The following PTPRR variants were observed in gnomAD, a reference collection of about 807,000 sequenced individuals.
PTPRR encodes the protein receptor-type tyrosine-protein phosphatase R.
Under a neutral mutation model 77.2 loss-of-function variants are expected in PTPRR, and 38 were observed. The observed-to-expected ratio is 0.49, with a 90% CI of 0.38 to 0.65. The LOEUF (loss-of-function observed/expected upper bound fraction) is 0.65, where lower values mean the gene tolerates loss of function less well. Among genes scored for constraint, PTPRR ranks in the 30% least tolerant of loss-of-function variants. The probability of loss-of-function intolerance (pLI) is 0.00; values close to 1 mark genes in which losing one functional copy is unlikely to be tolerated. For synonymous variants in PTPRR, 299 were observed against 283.1 expected, an observed-to-expected ratio of 1.06 and a Z score of -0.57; for missense variants, 744 against 799.2, an observed-to-expected ratio of 0.93 and a Z score of 0.83.
At chr12:70,684,086 C>T (rs1390398229) in intron 10 of PTPRR, 41 bp downstream of exon 10, 1 of 1,596,648 alleles carries the variant, frequency 6.3e-7, no homozygotes, top group East Asian at 2.2e-5. Context: ...TCTATAGCAA[C>T]AGAACACATA....
At chr12:70,668,584 A>G (rs1887099451) in intron 10 of PTPRR, among the ~76,000 whole-genome samples, 1 of 152,198 alleles carries the variant, frequency 6.6e-6, no homozygotes, top group Non-Finnish European at 1.5e-5. Flanking sequence ...AGAATTTAAC[A>G]TGGCACACTT....
At chr12:70,842,201 T>C (rs1380973517) in intron 2 of PTPRR, among the ~76,000 whole-genome samples, 5 of 152,198 alleles carry the variant, frequency 3.3e-5, no homozygotes, top group African/African-American at 1.2e-4. Flanking sequence ...TAATTCTCTG[T>C]AAGCAACACA....
At chr12:70,840,553 T>G (rs1293376649) in intron 2 of PTPRR, among the ~76,000 whole-genome samples, 1 of 152,182 alleles carries the variant, frequency 6.6e-6, no homozygotes, top group Admixed American at 6.6e-5. Context: ...AGTAGATTAA[T>G]TTTGGGGTTT....
At chr12:70,768,736 T>G (rs571521023) in intron 2 of PTPRR, among the ~76,000 whole-genome samples, 1 of 152,270 alleles carries the variant, frequency 6.6e-6, no homozygotes, top group East Asian at 1.9e-4. Context: ...ATATCCTTGA[T>G]GAACATTGAT....
chr12:70,868,425 C>T (rs1400342874), intron 2 of PTPRR, among the ~76,000 whole-genome samples: 1 of 151,734 alleles, frequency 6.6e-6, no homozygotes, highest in East Asian at 1.9e-4. Context: ...AGCGAAAAGA[C>T]ACATGAAAAA....
At chr12:70,779,241 T>G (rs1023371392) in intron 2 of PTPRR, among the ~76,000 whole-genome samples, 2 of 152,104 alleles carry the variant, frequency 1.3e-5, no homozygotes, top group Non-Finnish European at 2.9e-5. Context: ...TCTATCCTGT[T>G]TAGAGTTAAA....
intron 8 of PTPRR, among the ~76,000 whole-genome samples, chr12:70,692,407 T>A (rs574389540): frequency 6.6e-6 from 1 of 152,160 alleles, no homozygotes. Flanking sequence ...ACTGAGAAAC[T>A]AAAGTTTTAA....
chr12:70,882,641 T>C (rs746770507), intron 2 of PTPRR, among the ~76,000 whole-genome samples: 13 of 152,118 alleles, frequency 8.5e-5, no homozygotes, highest in Non-Finnish European at 2.9e-5. Context: ...TGCCAAAATC[T>C]TCATCTGAAA....
intron 2 of PTPRR, among the ~76,000 whole-genome samples, chr12:70,769,926 T>C (rs560131308): frequency 3.9e-5 from 6 of 152,206 alleles, no homozygotes; most frequent in African/African-American, 7.2e-5. Flanking sequence ...CCCTATTTAA[T>C]AAATGGTGCT....
intron 6 of PTPRR, among the ~76,000 whole-genome samples, chr12:70,730,037 A>G (rs1470481000): frequency 6.6e-6 from 1 of 152,170 alleles, no homozygotes; most frequent in African/African-American, 2.4e-5. Flanking sequence ...CAAGCAAACT[A>G]TTATTGACAT....
intron 2 of PTPRR, among the ~76,000 whole-genome samples, chr12:70,787,874 G>T (rs1002016977): frequency 9.2e-5 from 14 of 152,176 alleles, no homozygotes; most frequent in Non-Finnish European, 1.8e-4. Flanking sequence ...TTTTGACATT[G>T]TTATTCATCA....
chr12:70,814,625 G>C (rs1483607226), intron 2 of PTPRR, among the ~76,000 whole-genome samples: 1 of 152,150 alleles, frequency 6.6e-6, no homozygotes, highest in African/African-American at 2.4e-5. Context: ...TGGGAGTAGA[G>C]GGGGCCGGCC....
At chr12:70,891,859 T>A (rs1565732566) in intron 2 of PTPRR, among the ~76,000 whole-genome samples, 1 of 152,136 alleles carries the variant, frequency 6.6e-6, no homozygotes, top group South Asian at 2.1e-4. Context: ...CATTGAATTA[T>A]CTTGGCCACA....
At chr12:70,857,518 T>C (rs1274854597) in intron 2 of PTPRR, among the ~76,000 whole-genome samples, 1 of 152,160 alleles carries the variant, frequency 6.6e-6, no homozygotes, top group Non-Finnish European at 1.5e-5. Context: ...TATAAAGTTT[T>C]TAGTGATTAT....
At chr12:70,918,869 G>A (rs1893812538) in intron 1 of PTPRR, among the ~76,000 whole-genome samples, 1 of 152,162 alleles carries the variant, frequency 6.6e-6, no homozygotes, top group Non-Finnish European at 1.5e-5. Context: ...CCACATTTCA[G>A]CATTGAAGAA....
At chr12:70,901,718 C>G (rs1211721956) in intron 1 of PTPRR, among the ~76,000 whole-genome samples, 1 of 151,540 alleles carries the variant, frequency 6.6e-6, no homozygotes, top group Non-Finnish European at 1.5e-5. Flanking sequence ...GCCAATAACC[C>G]AAAAGCAAAT....
At chr12:70,717,279 TTA>T (rs1281656952) in intron 6 of PTPRR, among the ~76,000 whole-genome samples, 7 of 152,310 alleles carry the variant, frequency 4.6e-5, no homozygotes, top group African/African-American at 1.4e-4. Flanking sequence ...CAGAAAATCT[TTA>T]AAAACATTGA....
chr12:70,842,592 C>T (rs1892415448), intron 2 of PTPRR, among the ~76,000 whole-genome samples: 1 of 152,180 alleles, frequency 6.6e-6, no homozygotes, highest in Non-Finnish European at 1.5e-5. Context: ...GTGACCATTT[C>T]ACTCTAACCT....
At chr12:70,918,894 G>A (rs1404240810) in intron 1 of PTPRR, among the ~76,000 whole-genome samples, 1 of 152,238 alleles carries the variant, frequency 6.6e-6, no homozygotes, top group Middle Eastern at 3.4e-3. Flanking sequence ...ATGTGGTAAC[G>A]AAATAATTCA....
Sources: gnomAD v4.1 joint callset for allele counts (sites outside exome capture counted in the v4.1 genomes callset) on GRCh38, gnomAD v4.1.1 for gene constraint, MANE v1.5 for transcripts, NCBI Gene and HGNC (gene_info 2026-07-23, HGNC 2026-07-21) for gene names.